The following DTNA variants were observed in gnomAD, a reference collection of about 807,000 sequenced individuals.
The protein encoded by DTNA is dystrobrevin alpha.
DTNA carries 43 observed loss-of-function variants against 100.7 expected under a neutral mutation model. The observed-to-expected ratio is 0.43, with a 90% CI of 0.33 to 0.55. The LOEUF is 0.55. DTNA is among the 20% of genes least tolerant of loss of function. The probability of loss-of-function intolerance (pLI) is 0.04; values close to 1 mark genes in which losing one functional copy is unlikely to be tolerated. For synonymous variants in DTNA, 349 were observed against 347.9 expected (o/e 1.00, Z -0.04); for missense variants, 798 against 953.9 (o/e 0.84, Z 2.15).
intron 2 of DTNA, among the ~76,000 whole-genome samples, chr18:34,762,894 A>C (rs1034536677): frequency 1.3e-5 from 2 of 152,196 alleles, no homozygotes; most frequent in African/African-American, 4.8e-5. Flanking sequence ...GAGAGCAGTC[A>C]GTGCACTTCA....
chr18:34,864,343 C>G (rs1462135573), intron 17 of DTNA, among the ~76,000 whole-genome samples: 1 of 151,690 alleles, frequency 6.6e-6, no homozygotes, highest in African/African-American at 2.4e-5. Context: ...CTCCGCCTCC[C>G]GGGTTCACGC....
At chr18:34,821,373 T>C (rs961332098) in intron 9 of DTNA, 3 of 447,056 alleles carry the variant, frequency 6.7e-6, no homozygotes, top group African/African-American at 6.0e-5. Context: ...CATCCCAAGC[T>C]GTATAACTTT....
At chr18:34,523,290 AAATTT>A (rs1260761294) in intron 1 of DTNA, among the ~76,000 whole-genome samples, 3 of 152,190 alleles carry the variant, frequency 2.0e-5, no homozygotes, top group Non-Finnish European at 4.4e-5. Context: ...AATGAGAACT[AAATTT>A]AATTTCTTTT....
chr18:34,689,076 A>G (rs1010411206), intron 1 of DTNA, among the ~76,000 whole-genome samples: 4 of 152,072 alleles, frequency 2.6e-5, no homozygotes, highest in Admixed American at 6.5e-5. Context: ...GCTTCCTTGC[A>G]TTGGGTTAGA....
intron 3 of DTNA, among the ~76,000 whole-genome samples, chr18:34,778,943 A>G (rs112783265): frequency 0.26 from 39,694 of 151,528 alleles, 5,372 homozygotes; most frequent in African/African-American, 0.32. Context: ...TCAGCCTCCC[A>G]AGTAGCTGGG....
intron 7 of DTNA, chr18:34,817,818 C>A: frequency 1.8e-6 from 1 of 542,570 alleles, no homozygotes; most frequent in Non-Finnish European, 2.8e-6. Context: ...CTGTGCTGGT[C>A]TCCTGGAGAC....
At chr18:34,858,444 G>T (rs2096578037) in intron 16 of DTNA, 46 bp downstream of exon 16, 1 of 1,589,114 alleles carries the variant, frequency 6.3e-7, no homozygotes, top group Non-Finnish European at 8.6e-7. Flanking sequence ...ATATGTGTCA[G>T]ATCTTTGAGA....
intron 9 of DTNA, 31 bp from the exon 10 acceptor site, chr18:34,827,562 A>T: frequency 6.2e-7 from 1 of 1,607,228 alleles, no homozygotes; most frequent in Non-Finnish European, 8.5e-7. Flanking sequence ...TATTTGTTTT[A>T]ACTTTCCATT....
chr18:34,776,999 T>C (rs1216636776), intron 3 of DTNA, among the ~76,000 whole-genome samples: 1 of 152,238 alleles, frequency 6.6e-6, no homozygotes, highest in Non-Finnish European at 1.5e-5. Context: ...CTTTCTCAAT[T>C]CTTTGCTCAC....
At chr18:34,758,591 G>A (rs1313790588) in intron 2 of DTNA, among the ~76,000 whole-genome samples, 2 of 152,158 alleles carry the variant, frequency 1.3e-5, no homozygotes, top group African/African-American at 2.4e-5. Context: ...CTACCCTCCT[G>A]ATAAGACTTG....
chr18:34,600,902 T>C (rs527373315), intron 1 of DTNA, among the ~76,000 whole-genome samples: 1 of 152,344 alleles, frequency 6.6e-6, no homozygotes, highest in East Asian at 1.9e-4. Flanking sequence ...CACAGCTGTT[T>C]TCACCTGGAA....
At chr18:34,517,223 T>C (rs7237247) in intron 1 of DTNA, among the ~76,000 whole-genome samples, 14,616 of 152,130 alleles carry the variant, frequency 0.096, 791 homozygotes, top group Non-Finnish European at 0.12. Context: ...CGTCTTACAC[T>C]GAAGCTGCCC....
chr18:34,707,454 G>A (rs531189666), upstream of DTNA, among the ~76,000 whole-genome samples: 23 of 152,176 alleles, frequency 1.5e-4, no homozygotes, highest in Admixed American at 5.9e-4. Flanking sequence ...AAATATACTG[G>A]CGTCGTATTC....
intron 1 of DTNA, among the ~76,000 whole-genome samples, chr18:34,550,930 A>C (rs1320694294): frequency 1.3e-5 from 2 of 152,186 alleles, no homozygotes; most frequent in African/African-American, 4.8e-5. Context: ...TTAATTGTAC[A>C]GCTTTCATTG....
At chr18:34,539,299 G>C (rs562447923) in intron 1 of DTNA, among the ~76,000 whole-genome samples, 80 of 151,790 alleles carry the variant, frequency 5.3e-4, no homozygotes, top group African/African-American at 1.8e-3. Context: ...GTTTGTCCAA[G>C]GAAGACAAAT....
chr18:34,557,522 A>T (rs1368816681), intron 1 of DTNA, among the ~76,000 whole-genome samples: 1 of 151,290 alleles, frequency 6.6e-6, no homozygotes, highest in East Asian at 2.0e-4. Context: ...GTCTTTGATG[A>T]TGGTGATGTA....
chr18:34,700,784 C>T (rs904820265), intron 1 of DTNA, among the ~76,000 whole-genome samples: 1 of 152,188 alleles, frequency 6.6e-6, no homozygotes. Context: ...ATCACTTTCC[C>T]ATTTGCATCA....
chr18:34,546,618 A>T (rs1390729232), intron 1 of DTNA, among the ~76,000 whole-genome samples: 1 of 152,136 alleles, frequency 6.6e-6, no homozygotes, highest in African/African-American at 2.4e-5. Flanking sequence ...ACAAACACCA[A>T]GTCATCAACC....
chr18:34,800,988 A>C (rs571408740), intron 4 of DTNA, among the ~76,000 whole-genome samples: 58 of 151,726 alleles, frequency 3.8e-4, no homozygotes, highest in African/African-American at 1.4e-3. Context: ...GCAGTTTCTC[A>C]CTTCTTTATT....
Sources: allele counts gnomAD v4.1 joint callset (sites outside exome capture counted in the v4.1 genomes callset), GRCh38; gene constraint gnomAD v4.1.1; transcripts MANE v1.5; gene names NCBI Gene and HGNC (gene_info 2026-07-23, HGNC 2026-07-21).